Variants in C9orf57 observed in about 807,000 individuals in gnomAD.
C9orf57 encodes chromosome 9 open reading frame 57.
Under a neutral mutation model 12.9 loss-of-function variants are expected in C9orf57, and 12 were observed. That is an observed-to-expected ratio of 0.93 (90% confidence interval 0.60 to 1.51). The LOEUF (loss-of-function observed/expected upper bound fraction) is 1.51. C9orf57 is among the 40% of genes most tolerant of loss of function. The probability of loss-of-function intolerance (pLI) is 0.00; values close to 1 mark genes in which losing one functional copy is unlikely to be tolerated. For missense variants in C9orf57, 141 were observed against 162.8 expected, an observed-to-expected ratio of 0.87 and a Z score of 0.73; for synonymous variants, 49 against 57.1, an observed-to-expected ratio of 0.86 and a Z score of 0.64.
At position 72,060,501 on chromosome 9, in the gene C9orf57, C is replaced by G; in HGVS notation, c.-58G>C. 1 of 1,459,958 alleles carries G rather than the reference C, an allele frequency of 6.8e-7. No individual in the cohort carries two copies. The highest frequency in any genetic ancestry group is 9.4e-7 in the Non-Finnish European group (1 of 1,063,826). 90.4% of individuals were successfully genotyped at this position (1,459,958 alleles called of 1,614,324 possible). ...TTTCAGTTGTTCATGACCTACCTAT[C>G]TTTTTCATTAAGGTACTATGGAAAT... On this transcript the variant is annotated 5_prime_UTR_variant, in exon 1 of 5. Transcript: ENST00000651200.
rs963771098 is a variant in C9orf57, at chr9:72,051,768, C to G, written c.*528G>C. On this transcript the variant is annotated 3_prime_UTR_variant, in exon 5 of 5. Coordinates refer to ENST00000651200, the MANE Select transcript of C9orf57 (RefSeq NM_001128618.2). ...CTTTCCTGTTTGGGTTCATACTTTT[C>G]CCGCAGGCCTGGCTTGCTGATTCAT... is the stretch of plus-strand genomic sequence containing the variant. The G allele has an allele frequency of 6.6e-6, 1 of 152,420 alleles. No homozygotes were observed. The highest frequency in any genetic ancestry group is 2.1e-4 in the South Asian group (1 of 4,842). 9.4% of individuals were successfully genotyped at this position (152,420 alleles called of 1,614,324 possible). A position where few individuals can be genotyped will look rare whatever the true frequency, so the allele number is the denominator to read the frequency against.
At position 72,060,549 on chromosome 9, in the gene C9orf57, A is replaced by T; in HGVS notation, c.-106T>A. 1 of 1,549,566 alleles carries T rather than the reference A, an allele frequency of 6.5e-7. No homozygotes were observed. The highest frequency in any genetic ancestry group is 2.4e-5 in the East Asian group (1 of 40,876). ...AATTTTCCTGGGTCTGAACTTTCTT[A>T]AAAGGATGAGAACGAGTACAATTTG... is the stretch of plus-strand genomic sequence containing the variant. On this transcript the variant is annotated 5_prime_UTR_variant, in exon 1 of 5. Transcript: ENST00000651200.
chr9:72,060,388 T>A, intron 1 of C9orf57, 109 bp downstream of exon 1: 1 of 668,900 alleles, frequency 1.5e-6, no homozygotes, highest in Non-Finnish European at 2.7e-6. Flanking sequence ...ACCTTATTTA[T>A]GAGGGAAAAG....
At chr9:72,060,377 G>T in intron 1 of C9orf57, 120 bp downstream of exon 1, 1 of 650,728 alleles carries the variant, frequency 1.5e-6, no homozygotes, top group Non-Finnish European at 2.8e-6. Flanking sequence ...CACTGCAAAA[G>T]ACCTTATTTA....
chr9:72,056,353 T>C lies in C9orf57; in HGVS notation c.158-157A>G, dbSNP rs116469664. Among the ~76,000 whole-genome samples the C allele has an allele frequency of 6.4e-3, 953 of 148,600 alleles. 14 individuals carry two copies. Among genetic ancestry groups the C allele is most frequent in the African/African-American group, 0.022 (900 of 40,950 alleles). ...TTTTATGTTATATATATTAAATATA[T>C]ATATTTTATTTTTTTTTATGTTTTG... On this transcript the variant is annotated intron_variant, in intron 3 of 4. Coordinates refer to ENST00000651200, the MANE Select transcript of C9orf57 (RefSeq NM_001128618.2).
intron 2 of C9orf57, among the ~76,000 whole-genome samples, chr9:72,057,208 A>C (rs1161394860): frequency 1.3e-5 from 2 of 150,902 alleles, no homozygotes; most frequent in East Asian, 3.9e-4. Context: ...AATATTTTAA[A>C]AATTCTAAAA....
chr9:72,053,659 A>G (rs1824127028), intron 4 of C9orf57, among the ~76,000 whole-genome samples: 1 of 152,162 alleles, frequency 6.6e-6, no homozygotes, highest in South Asian at 2.1e-4. Context: ...AACTAGAAAG[A>G]TTGAACAGAA....
At chr9:72,053,558 A>T (rs1296641765) in intron 4 of C9orf57, among the ~76,000 whole-genome samples, 1 of 151,994 alleles carries the variant, frequency 6.6e-6, no homozygotes, top group South Asian at 2.1e-4. Flanking sequence ...CCAACATCTC[A>T]TGGGCCCAGG....
chr9:72,059,247 C>CGAATAAGATAACACCTAAGAGGCG lies in C9orf57; in HGVS notation c.61_84dup (p.Arg21_Phe28dup), dbSNP rs781768862. On this transcript the variant is annotated inframe_insertion, in exon 2 of 5. Coordinates refer to ENST00000651200, the MANE Select transcript of C9orf57 (RefSeq NM_001128618.2). ...CCTAATGACTTACCACCTAAGCGGC[C>CGAATAAGATAACACCTAAGAGGCG]GAATAAGATAACACCTAAGAGGCGG... The CGAATAAGATAACACCTAAGAGGCG allele has an allele frequency of 6.4e-6, 10 of 1,551,396 alleles. No homozygotes were observed. The highest frequency in any genetic ancestry group is 2.4e-5 in the East Asian group (1 of 40,920).
chr9:72,056,685 C>A (rs1180755518), intron 3 of C9orf57, 99 bp downstream of exon 3: 5 of 1,256,902 alleles, frequency 4.0e-6, no homozygotes, highest in South Asian at 2.9e-5. Context: ...GTAGCCCTGG[C>A]AAAGCCCTTA....
At chr9:72,056,717 A>G in intron 3 of C9orf57, 67 bp downstream of exon 3, 23 of 1,485,062 alleles carry the variant, frequency 1.5e-5, no homozygotes, top group Non-Finnish European at 1.9e-5. Context: ...GGCATATGAA[A>G]GTTTGTTGTG....
intron 2 of C9orf57, among the ~76,000 whole-genome samples, chr9:72,057,784 C>T (rs956882461): frequency 5.9e-5 from 9 of 152,196 alleles, no homozygotes; most frequent in Non-Finnish European, 1.2e-4. Context: ...TATATATAGT[C>T]GATTCTTCAT....
At chr9:72,052,764 C>T (rs369829675) in intron 4 of C9orf57, among the ~76,000 whole-genome samples, 5 of 152,090 alleles carry the variant, frequency 3.3e-5, no homozygotes, top group Non-Finnish European at 5.9e-5. Context: ...GATAATCATC[C>T]CCCAGTTTTA....
In C9orf57 at chr9:72,059,375, C is replaced by T. The variant is rs1390875458; in HGVS notation, c.-44G>A. 2 of 1,551,744 alleles carry T rather than the reference C, an allele frequency of 1.3e-6. No individual in the cohort carries two copies. Among genetic ancestry groups the T allele is most frequent in the South Asian group, 2.4e-5 (2 of 84,040 alleles). On this transcript the variant is annotated 5_prime_UTR_variant, in exon 2 of 5. Coordinates refer to ENST00000651200, the MANE Select transcript of C9orf57 (RefSeq NM_001128618.2). ...AAGGAGATGAAAGGAAAGACACGTC[C>T]CACTGATTTCTGGGGAAGCAATAAA... is the stretch of plus-strand genomic sequence containing the variant.
At chr9:72,056,880 A>C (rs749102069) in intron 2 of C9orf57, 37 bp from the exon 3 acceptor site, 1 of 1,505,824 alleles carries the variant, frequency 6.6e-7, no homozygotes, top group South Asian at 1.2e-5. Flanking sequence ...GAAAGATTGC[A>C]TGCTCTGCAA....
Position 72,056,131 on chromosome 9 carries a change from G to A in C9orf57, c.223C>T (p.Leu75=). 1 of 1,550,802 alleles carries A rather than the reference G, an allele frequency of 6.4e-7. No homozygotes were observed. The highest frequency in any genetic ancestry group is 8.7e-7 in the Non-Finnish European group (1 of 1,146,472). The change falls in exon 4 of 5, where the codon CTG becomes TTG. Residue 75 remains leucine (L), a synonymous_variant. Transcript: ENST00000651200. Reference sequence around the variant, plus strand: ...CCAGGTTCTGCCTGGCAGGTTCCCAGGTCTAAAAGACATCCATGGAAGGGC... The same window carrying A: ...CCAGGTTCTGCCTGGCAGGTTCCCAAGTCTAAAAGACATCCATGGAAGGGC... ...SLPFHGCLLD[L]GTCQAEPGQY...
In C9orf57 at chr9:72,052,370, G is replaced by A. The variant is rs1824098682; in HGVS notation, c.346C>T (p.Leu116Phe). The change falls in exon 5 of 5, where the codon CTC becomes TTC. Residue 116 changes from leucine (L) to phenylalanine (F), a missense_variant. Transcript: ENST00000651200. Reference protein sequence around the residue: ...KNTSECFKSTLVKRILQLHEL... With the variant: ...KNTSECFKSTFVKRILQLHEL... ...TGCAGTTGCAGAATTCTCTTGACGA[G>A]AGTACTCTTGAAGCACTCTGATGTG... is the stretch of plus-strand genomic sequence containing the variant. The A allele has an allele frequency of 4.5e-6, 7 of 1,552,088 alleles. No homozygotes were observed. The highest frequency in any genetic ancestry group is 5.2e-6 in the Non-Finnish European group (6 of 1,147,038).
intron 4 of C9orf57, among the ~76,000 whole-genome samples, 193 bp downstream of exon 4, chr9:72,055,881 C>T (rs903457499): frequency 3.3e-5 from 5 of 152,184 alleles, no homozygotes; most frequent in South Asian, 2.1e-4. Context: ...ATTACTTAAT[C>T]GTTCGTGTCT....
rs1414814187 is a variant in C9orf57 at position 72,059,247 on chromosome 9, C to G, written c.85G>C (p.Gly29Arg). Reference sequence around the variant, plus strand: ...CCTAATGACTTACCACCTAAGCGGCCGAATAAGATAACACCTAAGAGGCGG... The same window carrying G: ...CCTAATGACTTACCACCTAAGCGGCGGAATAAGATAACACCTAAGAGGCGG... ...LFRLLGVILFGRLGDLGTCQT... is the reference protein window; with the variant it reads ...LFRLLGVILFRRLGDLGTCQT... Residue 29 changes from glycine to arginine, a missense_variant, in exon 2 of 5, where the codon GGC (glycine) becomes CGC (arginine). Transcript: ENST00000651200. 6 of 1,551,396 alleles carry G rather than the reference C, an allele frequency of 3.9e-6. No homozygotes were observed. Among genetic ancestry groups the G allele is most frequent in the Non-Finnish European group, 4.4e-6 (5 of 1,146,966 alleles).
Sources: allele counts gnomAD v4.1 joint callset (sites outside exome capture counted in the v4.1 genomes callset), GRCh38; gene constraint gnomAD v4.1.1; transcripts MANE v1.5; gene names NCBI Gene and HGNC (gene_info 2026-07-23, HGNC 2026-07-21).